The following KLRG1 variants were observed in gnomAD, a reference collection of about 807,000 sequenced individuals.
KLRG1 encodes killer cell lectin-like receptor subfamily G member 1.
Under a neutral mutation model 21.8 loss-of-function variants are expected in KLRG1, and 16 were observed. The ratio of observed to expected loss-of-function variants is 0.73; its 90% CI spans 0.50 to 1.11. The LOEUF (loss-of-function observed/expected upper bound fraction) is 1.11. Ranked by LOEUF, KLRG1 falls within the 50% of genes most tolerant of loss-of-function variation. The pLI, the probability that KLRG1 is intolerant of heterozygous loss-of-function variation, is 0.00. For synonymous variants in KLRG1, 69 were observed against 75.9 expected (o/e 0.91, Z 0.47); for missense variants, 173 against 218.3 (o/e 0.79, Z 1.31).
At chr12:9,153,420 G>A in the KLRG1 span, 1 of 1,255,594 alleles carries the variant, frequency 8.0e-7, no homozygotes, top group Non-Finnish European at 1.1e-6. Context: ...GTCTGTGTTA[G>A]CCTACCATGA....
upstream of KLRG1, among the ~76,000 whole-genome samples, chr12:8,989,388 G>A (rs1049412826): frequency 6.6e-6 from 1 of 152,192 alleles, no homozygotes; most frequent in Non-Finnish European, 1.5e-5. Flanking sequence ...AATTAGGTGA[G>A]ATGGGGAATC....
chr12:9,012,502 T>C (rs1947645635), downstream of KLRG1, among the ~76,000 whole-genome samples: 1 of 151,992 alleles, frequency 6.6e-6, no homozygotes, highest in South Asian at 2.1e-4. Context: ...CCATAGGTAT[T>C]GGGTGAGATC....
At chr12:8,959,776 G>A (rs1300904499) in intron 1 of KLRG1, among the ~76,000 whole-genome samples, 1 of 152,118 alleles carries the variant, frequency 6.6e-6, no homozygotes, top group Non-Finnish European at 1.5e-5. Flanking sequence ...GTCCTGAAGT[G>A]CTTTATTTTT....
Position 9,009,751 on chromosome 12 carries a change from A to C in KLRG1, c.*214A>C, listed in dbSNP as rs148091118. The C allele has an allele frequency of 2.1e-3, 3,018 of 1,419,292 alleles. 6 individuals are homozygous for C. The highest frequency in any genetic ancestry group is 0.011 in the Middle Eastern group (42 of 3,840). The allele number at this position is 1,419,292 out of a possible 1,614,324, so 87.9% of individuals were successfully genotyped here. On this transcript the variant is annotated 3_prime_UTR_variant, in exon 5 of 5. Transcript: ENST00000356986. ...TAGATATTATGTGAGCAATTTAAAGACCAGATCTAAGCAAATTTTGAAATA... is the reference window on the plus strand; with the variant it reads ...TAGATATTATGTGAGCAATTTAAAGCCCAGATCTAAGCAAATTTTGAAATA...
intron 2 of KLRG1, among the ~76,000 whole-genome samples, chr12:8,993,413 C>T (rs921913354): frequency 3.9e-5 from 6 of 151,922 alleles, no homozygotes; most frequent in South Asian, 2.1e-4. Context: ...CTCAGCCTCC[C>T]GAGTAGCTGG....
the KLRG1 span, chr12:9,101,401 G>T: frequency 6.7e-7 from 1 of 1,501,924 alleles, no homozygotes; most frequent in South Asian, 1.2e-5. Context: ...GCTCCACAGA[G>T]AGCTTTTGTC....
chr12:9,153,076 A>T, the KLRG1 span: 3 of 1,607,630 alleles, frequency 1.9e-6, no homozygotes, highest in Non-Finnish European at 2.6e-6. Context: ...TTCCATTTCA[A>T]TTGGCAAGTT....
At chr12:9,007,228 C>G (rs1254549966) in intron 3 of KLRG1, among the ~76,000 whole-genome samples, 5 of 152,082 alleles carry the variant, frequency 3.3e-5, no homozygotes, top group Admixed American at 3.3e-4. Flanking sequence ...AGTGTCTCCA[C>G]TAGAAGTGCA....
Position 9,002,488 on chromosome 12 carries a change from T to C in KLRG1, c.358-6487T>C, listed in dbSNP as rs780798182. Among the ~76,000 whole-genome samples, 296 of 152,332 alleles carry C rather than the reference T, an allele frequency of 1.9e-3. 1 individual carries two copies. Among genetic ancestry groups the C allele is most frequent in the African/African-American group, 6.6e-3 (274 of 41,564 alleles). Reference sequence around the variant, plus strand: ...AAATATAAGCAAACATTACAAACTCTAAGTGACATAACACCTAAGTGTTCT... The same window carrying C: ...AAATATAAGCAAACATTACAAACTCCAAGTGACATAACACCTAAGTGTTCT... On this transcript the variant is annotated intron_variant, in intron 3 of 4. Transcript: ENST00000356986.
At chr12:9,137,471 T>C in the KLRG1 span, among the ~76,000 whole-genome samples, 1 of 152,156 alleles carries the variant, frequency 6.6e-6, no homozygotes, top group Non-Finnish European at 1.5e-5. Context: ...GTCCTCCAGC[T>C]TTCTTCTTCT....
chr12:9,104,050 C>T, the KLRG1 span, among the ~76,000 whole-genome samples: 10 of 152,184 alleles, frequency 6.6e-5, no homozygotes, highest in Non-Finnish European at 1.2e-4. Flanking sequence ...AAGTCTAACC[C>T]GCACTTTTAA....
chr12:9,190,660 A>AT, the KLRG1 span, among the ~76,000 whole-genome samples: 1 of 152,220 alleles, frequency 6.6e-6, no homozygotes, highest in South Asian at 2.1e-4. Flanking sequence ...GTTTACCTAC[A>AT]TAACAAACCT....
the KLRG1 span, among the ~76,000 whole-genome samples, chr12:9,030,961 C>G: frequency 6.6e-6 from 1 of 152,214 alleles, no homozygotes; most frequent in Non-Finnish European, 1.5e-5. Context: ...AGTGAGCACA[C>G]CAGATAGCAT....
chr12:9,140,149 C>A, the KLRG1 span, among the ~76,000 whole-genome samples: 1 of 152,096 alleles, frequency 6.6e-6, no homozygotes, highest in Admixed American at 6.5e-5. Context: ...AGGCTGATGC[C>A]CTTTGGGGCA....
chr12:9,159,085 T>C, the KLRG1 span, among the ~76,000 whole-genome samples: 1 of 152,194 alleles, frequency 6.6e-6, no homozygotes, highest in African/African-American at 2.4e-5. Context: ...AGAGAAAGGA[T>C]ATCATCTAGT....
chr12:9,065,939 C>G, the KLRG1 span: 1 of 152,378 alleles, frequency 6.6e-6, no homozygotes, highest in East Asian at 1.9e-4. Context: ...AATGGGAAGA[C>G]CTGTTTGCAG....
At chr12:9,009,293 T>G (rs1947574981) in intron 4 of KLRG1, 133 bp from the exon 5 acceptor site, 2 of 1,196,830 alleles carry the variant, frequency 1.7e-6, no homozygotes, top group East Asian at 5.1e-5. Flanking sequence ...ACAATTTTAA[T>G]TCTTCTGCTG....
At chr12:9,100,935 CAAA>C in the KLRG1 span, among the ~76,000 whole-genome samples, 1 of 152,096 alleles carries the variant, frequency 6.6e-6, no homozygotes, top group East Asian at 1.9e-4. Flanking sequence ...TAAAAGACTG[CAAA>C]TTGGGTACAA....
chr12:9,089,927 G>C, the KLRG1 span: 4 of 1,612,222 alleles, frequency 2.5e-6, no homozygotes, highest in East Asian at 2.2e-5. Context: ...CTTGATGACT[G>C]TGTCTTTCCT....
Sources: allele counts gnomAD v4.1 joint callset (sites outside exome capture counted in the v4.1 genomes callset), GRCh38; gene constraint gnomAD v4.1.1; transcripts MANE v1.5; gene names NCBI Gene and HGNC (gene_info 2026-07-23, HGNC 2026-07-21).